The following RYR3 variants were observed in gnomAD, a reference collection of about 807,000 sequenced individuals.
The protein encoded by RYR3 is ryanodine receptor 3, also known as brain ryanodine receptor-calcium release channel.
RYR3 carries 207 observed loss-of-function variants against 584.3 expected under a neutral mutation model. The observed-to-expected ratio is 0.35, with a 90% CI of 0.32 to 0.40. RYR3 has a LOEUF of 0.40. Among genes scored for constraint, RYR3 ranks in the 10% least tolerant of loss-of-function variants. The pLI is 1.00. For missense variants in RYR3, 5,616 were observed against 6,089.2 expected (o/e 0.92, Z 2.59); for synonymous variants, 2,416 against 2,248.5 (o/e 1.07, Z -2.11).
intron 36 of RYR3, among the ~76,000 whole-genome samples, chr15:33,668,196 G>T (rs1161054808): frequency 1.3e-5 from 2 of 150,032 alleles, no homozygotes; most frequent in Non-Finnish European, 3.0e-5. Flanking sequence ...GGGCGCCTGT[G>T]GTCCCAGCTA....
intron 66 of RYR3, among the ~76,000 whole-genome samples, chr15:33,786,878 C>T (rs1438003563): frequency 6.6e-6 from 1 of 152,206 alleles, no homozygotes; most frequent in Admixed American, 6.5e-5. Flanking sequence ...AAAGTTACTG[C>T]TTCTTCCTGT....
chr15:33,340,904 C>T (rs1043122163), intron 1 of RYR3, among the ~76,000 whole-genome samples: 4 of 152,138 alleles, frequency 2.6e-5, no homozygotes, highest in African/African-American at 9.7e-5. Flanking sequence ...CTGTGTTTCT[C>T]ATCTGAAAAT....
chr15:33,446,178 C>T (rs965905786), intron 1 of RYR3, among the ~76,000 whole-genome samples: 4 of 152,208 alleles, frequency 2.6e-5, no homozygotes, highest in African/African-American at 9.6e-5. Flanking sequence ...ACCTCACTAA[C>T]TTCTGCTTTT....
chr15:33,859,810 G>C (rs771805578), intron 100 of RYR3, 79 bp downstream of exon 100: 24 of 1,418,442 alleles, frequency 1.7e-5, no homozygotes, highest in East Asian at 4.9e-5. Flanking sequence ...GACTTAATTG[G>C]TTTATGAAGA....
chr15:33,662,186 G>C lies in RYR3; in HGVS notation c.4656G>C (p.Glu1552Asp), dbSNP rs755246826. ...ATATCCTGGAGCTCTGTGAGCAGGA[G>C]GACCTGATGCGGTTCCATTACCACA... Reference protein sequence around the residue: ...CVDILELCEQEDLMRFHYHTL... With the variant: ...CVDILELCEQDDLMRFHYHTL... Residue 1552 changes from glutamate (E) to aspartate (D), a missense_variant, in exon 35 of 104, where the codon GAG becomes GAC. Transcript: ENST00000634891. 1 of 1,605,334 alleles carries C rather than the reference G, an allele frequency of 6.2e-7. No individual in the cohort carries two copies. Among genetic ancestry groups the C allele is most frequent in the Admixed American group, 1.7e-5 (1 of 59,278 alleles).
chr15:33,763,851 C>A (rs1165746553), intron 60 of RYR3, among the ~76,000 whole-genome samples: 7 of 141,090 alleles, frequency 5.0e-5, no homozygotes, highest in Non-Finnish European at 1.1e-4. Context: ...CATGATTGCA[C>A]CATTGCACTC....
intron 1 of RYR3, among the ~76,000 whole-genome samples, chr15:33,406,588 G>A (rs2043035051): frequency 6.6e-6 from 1 of 152,206 alleles, no homozygotes; most frequent in African/African-American, 2.4e-5. Flanking sequence ...TTGGGGTCAG[G>A]TTGCCTGCCC....
chr15:33,807,458 A>G, intron 69 of RYR3, 97 bp from the exon 70 acceptor site: 3 of 1,200,398 alleles, frequency 2.5e-6, no homozygotes, highest in Non-Finnish European at 3.6e-6. Context: ...ATGGGGGCTA[A>G]GAAGCTATAA....
intron 1 of RYR3, among the ~76,000 whole-genome samples, chr15:33,445,886 G>T (rs941082464): frequency 2.6e-5 from 4 of 152,094 alleles, no homozygotes; most frequent in African/African-American, 9.7e-5. Flanking sequence ...AAGAGCAAAA[G>T]AAGTGACTTT....
In RYR3 at chr15:33,854,913, G is replaced by T; in HGVS notation, c.14007+1G>T. 1 of 1,608,844 alleles carries T rather than the reference G, an allele frequency of 6.2e-7. No homozygotes were observed. Among genetic ancestry groups the T allele is most frequent in the Non-Finnish European group, 8.5e-7 (1 of 1,177,870 alleles). On this transcript the variant is annotated splice_donor_variant, in intron 98 of 103. Coordinates refer to ENST00000634891, the MANE Select transcript of RYR3 (RefSeq NM_001036.6). LOFTEE classifies it high-confidence loss of function. ...ATCTGTAACTCACAATGGCAAACAG[G>T]TATGGTTTCTACTGATGCAGAACAG...
chr15:33,572,654 TATATACACACAC>T (rs1441671298), intron 12 of RYR3, among the ~76,000 whole-genome samples: 2,078 of 121,148 alleles, frequency 0.017, 64 homozygotes, highest in African/African-American at 0.067. Context: ...AAAAAAACTA[TATATACACACAC>T]ACACACACAC....
intron 84 of RYR3, 104 bp from the exon 85 acceptor site, chr15:33,827,095 A>C (rs2077415999): frequency 3.1e-6 from 3 of 961,654 alleles, no homozygotes; most frequent in Non-Finnish European, 4.9e-6. Context: ...GTATTCTTGT[A>C]AGCCTTTTCA....
chr15:33,452,472 C>CA (rs2047209913), intron 1 of RYR3, among the ~76,000 whole-genome samples: 3 of 152,128 alleles, frequency 2.0e-5, no homozygotes, highest in Admixed American at 6.6e-5. Flanking sequence ...GAAAATCAGA[C>CA]TACTTATTTC....
chr15:33,854,139 T>C (rs1476685990), intron 96 of RYR3, among the ~76,000 whole-genome samples: 1 of 146,356 alleles, frequency 6.8e-6, no homozygotes, highest in African/African-American at 2.5e-5. Flanking sequence ...GAGGTTGCAG[T>C]AAGCCAAGAT....
At chr15:33,788,166 T>A (rs1456164669) in intron 66 of RYR3, 52 bp from the exon 67 acceptor site, 3 of 1,607,524 alleles carry the variant, frequency 1.9e-6, no homozygotes, top group Non-Finnish European at 2.6e-6. Flanking sequence ...TCTTTCATTT[T>A]CATCAATTGC....
chr15:33,635,884 T>A, intron 26 of RYR3, 65 bp downstream of exon 26: 1 of 1,411,754 alleles, frequency 7.1e-7, no homozygotes, highest in Non-Finnish European at 9.7e-7. Context: ...AACATTTTTC[T>A]GGAAGCTCAA....
At chr15:33,574,462 A>G (rs2058192713) in intron 12 of RYR3, among the ~76,000 whole-genome samples, 1 of 152,118 alleles carries the variant, frequency 6.6e-6, no homozygotes, top group African/African-American at 2.4e-5. Flanking sequence ...TTTTGTGTCT[A>G]ATAATAGCCC....
chr15:33,647,701 T>C (rs1292326218), intron 30 of RYR3, among the ~76,000 whole-genome samples: 2 of 152,192 alleles, frequency 1.3e-5, no homozygotes, highest in Non-Finnish European at 2.9e-5. Flanking sequence ...CATTGGATAC[T>C]TGTTGCCCAT....
In RYR3 at chr15:33,832,441, G is replaced by A. The variant is rs1265427257; in HGVS notation, c.11463+1350G>A. Among the ~76,000 whole-genome samples, 6 of 152,254 alleles carry A rather than the reference G, an allele frequency of 3.9e-5. No individual in the cohort carries two copies. In the South Asian group the frequency reaches 1.0e-3, roughly 26 times the overall value. On this transcript the variant is annotated intron_variant, in intron 86 of 103. Coordinates refer to ENST00000634891, the MANE Select transcript of RYR3 (RefSeq NM_001036.6). ...AGGCCAAGGTGGGCAGATCACCTGAGGTCAGGAGTTCAAGACTAGCCTGGC... is the reference window on the plus strand; with the variant it reads ...AGGCCAAGGTGGGCAGATCACCTGAAGTCAGGAGTTCAAGACTAGCCTGGC...
Sources: gnomAD v4.1 joint callset for allele counts (sites outside exome capture counted in the v4.1 genomes callset) on GRCh38, gnomAD v4.1.1 for gene constraint, MANE v1.5 for transcripts, NCBI Gene and HGNC (gene_info 2026-07-23, HGNC 2026-07-21) for gene names.